The following XIRP2 variants were observed in gnomAD, a reference collection of about 807,000 sequenced individuals.
XIRP2 encodes the protein xin actin binding repeat containing 2.
In XIRP2, 236 loss-of-function variants were observed where a neutral mutation model predicts 277.0. The ratio of observed to expected loss-of-function variants is 0.85; its 90% CI spans 0.77 to 0.95. XIRP2 has a LOEUF of 0.95. XIRP2 is among the 40% of genes least tolerant of loss of function. The pLI, the probability that XIRP2 is intolerant of heterozygous loss-of-function variation, is 0.00. For synonymous variants in XIRP2, 1,490 were observed against 1,416.5 expected, an observed-to-expected ratio of 1.05 and a Z score of -1.17; for missense variants, 4,640 against 4,157.5, an observed-to-expected ratio of 1.12 and a Z score of -3.19.
At chr2:167,056,111 C>T (rs899864349) in intron 2 of XIRP2, among the ~76,000 whole-genome samples, 4 of 152,042 alleles carry the variant, frequency 2.6e-5, no homozygotes, top group African/African-American at 9.7e-5. Context: ...CCTCTTACAG[C>T]ACAAACATTA....
At chr2:167,094,354 A>G (rs1040965923) in intron 2 of XIRP2, among the ~76,000 whole-genome samples, 1 of 151,952 alleles carries the variant, frequency 6.6e-6, no homozygotes, top group Non-Finnish European at 1.5e-5. Flanking sequence ...CTTTTGTTGC[A>G]GTTGCTTTTG....
intron 2 of XIRP2, among the ~76,000 whole-genome samples, chr2:167,040,259 A>G (rs1223643019): frequency 6.6e-6 from 1 of 151,838 alleles, no homozygotes; most frequent in Non-Finnish European, 1.5e-5. Flanking sequence ...TTTCAAACAC[A>G]TCTTCAGAAA....
At chr2:166,893,095 G>T (rs1684149993) in intron 1 of XIRP2, among the ~76,000 whole-genome samples, 1 of 151,750 alleles carries the variant, frequency 6.6e-6, no homozygotes, top group Non-Finnish European at 1.5e-5. Context: ...GATGACTGCA[G>T]TAAACTGACT....
At chr2:167,230,830 C>G (rs987958529) in intron 5 of XIRP2, among the ~76,000 whole-genome samples, 2 of 152,024 alleles carry the variant, frequency 1.3e-5, no homozygotes, top group Non-Finnish European at 2.9e-5. Context: ...TCCTTCAGTG[C>G]TCCCTCAGCC....
intron 3 of XIRP2, among the ~76,000 whole-genome samples, chr2:167,167,537 T>C (rs1358630460): frequency 4.6e-5 from 7 of 152,148 alleles, no homozygotes; most frequent in Non-Finnish European, 8.8e-5. Flanking sequence ...ATTTGCAATA[T>C]ATACTTACAA....
At chr2:167,169,356 A>G (rs73021986) in intron 3 of XIRP2, among the ~76,000 whole-genome samples, 15,036 of 152,212 alleles carry the variant, frequency 0.099, 801 homozygotes, top group South Asian at 0.15. Context: ...TGGCCCTGGG[A>G]TTTTTAAGTC....
intron 2 of XIRP2, among the ~76,000 whole-genome samples, chr2:167,035,346 T>C (rs1688481512): frequency 6.6e-6 from 1 of 152,176 alleles, no homozygotes; most frequent in African/African-American, 2.4e-5. Context: ...TTGTTGAAAA[T>C]GCTGATAGCA....
chr2:167,180,581 G>T (rs147631868), intron 3 of XIRP2, among the ~76,000 whole-genome samples: 1 of 152,238 alleles, frequency 6.6e-6, no homozygotes, highest in South Asian at 2.1e-4. Flanking sequence ...CTTAATAACA[G>T]CTAATCCACT....
intron 2 of XIRP2, among the ~76,000 whole-genome samples, chr2:166,930,075 G>A (rs896109364): frequency 3.3e-5 from 5 of 152,052 alleles, no homozygotes; most frequent in Admixed American, 1.3e-4. Flanking sequence ...GTATAGTTTC[G>A]GAGCTCTTGT....
intron 2 of XIRP2, among the ~76,000 whole-genome samples, chr2:167,021,116 A>G (rs1158300164): frequency 6.6e-6 from 1 of 152,054 alleles, no homozygotes; most frequent in African/African-American, 2.4e-5. Context: ...TCTAATTCGT[A>G]TGCTTCTAAA....
intron 2 of XIRP2, among the ~76,000 whole-genome samples, chr2:167,004,545 A>C (rs1293859038): frequency 6.6e-6 from 1 of 151,908 alleles, no homozygotes; most frequent in Non-Finnish European, 1.5e-5. Flanking sequence ...AAAAGAAAGA[A>C]GATGTCATAT....
At chr2:167,183,813 A>AG (rs11423132) in intron 3 of XIRP2, among the ~76,000 whole-genome samples, 14,998 of 152,180 alleles carry the variant, frequency 0.099, 794 homozygotes, top group South Asian at 0.15. Flanking sequence ...TATAATTGAA[A>AG]GTAAGCAGGG....
At position 167,252,580 on chromosome 2, in the gene XIRP2, C is replaced by G. The variant is rs114372376; in HGVS notation, c.10555+633C>G. On this transcript the variant is annotated intron_variant, in intron 9 of 10. Transcript: ENST00000409195. ...ATAAACTAAATCACTGCTCAATCAA[C>G]CTCATTCACAAATGAGCGTAAACAA... Among the ~76,000 whole-genome samples the G allele has an allele frequency of 1.4e-3, 212 of 151,982 alleles. 3 individuals carry two copies. Among genetic ancestry groups the G allele is most frequent in the Middle Eastern group, 0.01 (3 of 294 alleles).
chr2:167,196,748 G>T (rs1439612240), intron 3 of XIRP2, among the ~76,000 whole-genome samples: 9 of 151,960 alleles, frequency 5.9e-5, no homozygotes, highest in Non-Finnish European at 2.9e-5. Flanking sequence ...ACCTACTGAG[G>T]TCTTCTTCCT....
At chr2:167,035,878 T>G (rs555268081) in intron 2 of XIRP2, among the ~76,000 whole-genome samples, 1 of 152,164 alleles carries the variant, frequency 6.6e-6, no homozygotes, top group Non-Finnish European at 1.5e-5. Context: ...GCCTAGGGAC[T>G]TGATGCCCTC....
chr2:166,949,912 A>G (rs1277443038), intron 2 of XIRP2, among the ~76,000 whole-genome samples: 1 of 152,098 alleles, frequency 6.6e-6, no homozygotes, highest in Non-Finnish European at 1.5e-5. Flanking sequence ...AAAAGTCAAG[A>G]TAACTCATTC....
intron 2 of XIRP2, among the ~76,000 whole-genome samples, chr2:167,074,670 C>T (rs964226001): frequency 2.0e-5 from 3 of 151,812 alleles, no homozygotes; most frequent in African/African-American, 7.3e-5. Context: ...GGGACAGGCT[C>T]TCACTGTTTC....
At chr2:167,158,157 C>T (rs1692256929) in intron 3 of XIRP2, among the ~76,000 whole-genome samples, 1 of 152,136 alleles carries the variant, frequency 6.6e-6, no homozygotes, top group Non-Finnish European at 1.5e-5. Context: ...CATATCCTTA[C>T]AAAATCCAAC....
chr2:167,244,354 CTG>C lies in XIRP2; in HGVS notation c.2964_2965del (p.Tyr989CysfsTer24). 1 of 1,613,690 alleles carries C rather than the reference CTG, an allele frequency of 6.2e-7. No homozygotes were observed. The highest frequency in any genetic ancestry group is 8.5e-7 in the Non-Finnish European group (1 of 1,179,828). On this transcript the variant is annotated frameshift_variant, in exon 9 of 11. Coordinates refer to ENST00000409195, the MANE Select transcript of XIRP2 (RefSeq NM_152381.6). LOFTEE classifies it high-confidence loss of function. ...TAAATCTCTCTTCGAGACAACACCA[CTG>C]TATGCCATTCAAGATCCCCTTGGAA... ...LNKSLFETTP[L>X]YAIQDPLGKY...
Sources: gnomAD v4.1 joint callset for allele counts (sites outside exome capture counted in the v4.1 genomes callset) on GRCh38, gnomAD v4.1.1 for gene constraint, MANE v1.5 for transcripts, NCBI Gene and HGNC (gene_info 2026-07-23, HGNC 2026-07-21) for gene names.